The following CCSER1 variants were observed in gnomAD, a reference collection of about 807,000 sequenced individuals.
CCSER1 encodes serine-rich coiled-coil domain-containing protein 1.
In CCSER1, 41 loss-of-function variants were observed where a neutral mutation model predicts 82.0. The observed-to-expected ratio is 0.50, with a 90% CI of 0.39 to 0.65. The LOEUF is 0.65. Among genes scored for constraint, CCSER1 ranks in the 30% least tolerant of loss-of-function variants. The pLI, the probability that CCSER1 is intolerant of heterozygous loss-of-function variation, is 0.00. For missense variants in CCSER1, 1,119 were observed against 1,064.2 expected (o/e 1.05, Z -0.72); for synonymous variants, 414 against 383.9 (o/e 1.08, Z -0.92).
intron 10 of CCSER1, among the ~76,000 whole-genome samples, chr4:91,215,249 GATAA>G (rs1737149473): frequency 2.0e-5 from 3 of 152,226 alleles, no homozygotes; most frequent in South Asian, 2.1e-4. Flanking sequence ...AATGATAGCT[GATAA>G]ATAGTGTTTG....
chr4:91,194,794 T>C (rs540188989), intron 10 of CCSER1, among the ~76,000 whole-genome samples: 1 of 152,314 alleles, frequency 6.6e-6, no homozygotes, highest in African/African-American at 2.4e-5. Context: ...ATGATATTTG[T>C]CAGGATAAGG....
At chr4:90,991,131 C>T (rs1227451543) in intron 9 of CCSER1, among the ~76,000 whole-genome samples, 1 of 151,828 alleles carries the variant, frequency 6.6e-6, no homozygotes, top group Non-Finnish European at 1.5e-5. Context: ...TTTGTCTCTT[C>T]CAAGATGTTC....
At chr4:91,204,702 T>C (rs1030806057) in intron 10 of CCSER1, among the ~76,000 whole-genome samples, 2 of 151,818 alleles carry the variant, frequency 1.3e-5, no homozygotes, top group Non-Finnish European at 2.9e-5. Context: ...ATGCTGTTTG[T>C]AGAATTTACT....
intron 8 of CCSER1, among the ~76,000 whole-genome samples, chr4:90,905,622 C>G (rs900971872): frequency 2.0e-5 from 3 of 152,038 alleles, no homozygotes; most frequent in African/African-American, 4.8e-5. Flanking sequence ...TCGTTTTTTA[C>G]CTGGTAAAAC....
In CCSER1 at chr4:90,325,720, T is replaced by C. The variant is rs918676825; in HGVS notation, c.1509+12673T>C. ...ACTGGAATCTGAGGTTTGTACATTA[T>C]TCATTTTAGACAATGAAGACGATTT... On this transcript the variant is annotated intron_variant, in intron 3 of 10. Coordinates refer to ENST00000509176, the MANE Select transcript of CCSER1 (RefSeq NM_001145065.2). The C allele has an allele frequency of 6.0e-5, 24 of 400,326 alleles. No homozygotes were observed. The East Asian group carries it at 1.0e-3, about 17-fold the overall frequency. 24.8% of individuals were successfully genotyped at this position (400,326 alleles called of 1,614,324 possible).
At chr4:90,781,154 C>T in intron 7 of CCSER1, 1 of 473,030 alleles carries the variant, frequency 2.1e-6, no homozygotes, top group Non-Finnish European at 2.8e-6. Context: ...TCAAACACCT[C>T]CCACCAAGCC....
intron 6 of CCSER1, among the ~76,000 whole-genome samples, chr4:90,715,769 G>A (rs1052673747): frequency 2.3e-4 from 35 of 152,106 alleles, no homozygotes; most frequent in African/African-American, 7.9e-4. Flanking sequence ...TATACTGGTA[G>A]AATCTCTATG....
chr4:91,296,047 T>G (rs1744137185), intron 10 of CCSER1, among the ~76,000 whole-genome samples: 1 of 151,882 alleles, frequency 6.6e-6, no homozygotes, highest in Admixed American at 6.6e-5. Flanking sequence ...ATTGAAGTCA[T>G]TCCTCAAAAT....
chr4:90,484,077 T>C (rs1237352990), intron 5 of CCSER1, among the ~76,000 whole-genome samples: 1 of 152,196 alleles, frequency 6.6e-6, no homozygotes, highest in East Asian at 1.9e-4. Flanking sequence ...CGTTTCTTTT[T>C]ATTCTTTTTT....
At chr4:90,192,182 C>A (rs1189282008) in intron 1 of CCSER1, among the ~76,000 whole-genome samples, 1 of 151,980 alleles carries the variant, frequency 6.6e-6, no homozygotes, top group Non-Finnish European at 1.5e-5. Context: ...TCACATGTTA[C>A]GTGGATGGCA....
intron 1 of CCSER1, among the ~76,000 whole-genome samples, chr4:90,146,009 A>G (rs1725738212): frequency 1.3e-5 from 2 of 152,034 alleles, no homozygotes; most frequent in South Asian, 4.1e-4. Flanking sequence ...GCAGGAAGCT[A>G]ACTGTTATTA....
Position 90,836,356 on chromosome 4 carries a change from A to G in CCSER1, c.2094+20511A>G, listed in dbSNP as rs917358381. Among the ~76,000 whole-genome samples, 9 of 151,874 alleles carry G rather than the reference A, an allele frequency of 5.9e-5. No individual in the cohort carries two copies. The East Asian group carries it at 7.8e-4, about 13-fold the overall frequency. On this transcript the variant is annotated intron_variant, in intron 8 of 10. Coordinates refer to ENST00000509176, the MANE Select transcript of CCSER1 (RefSeq NM_001145065.2). ...TTTGTATTAGAAAAACAAAAAAAAA[A>G]CAAGCTTAGAATGGATGAGCAGATG...
intron 10 of CCSER1, among the ~76,000 whole-genome samples, chr4:91,543,975 T>C (rs1468972627): frequency 6.6e-6 from 1 of 152,216 alleles, no homozygotes; most frequent in Non-Finnish European, 1.5e-5. Flanking sequence ...CATAGTCCCA[T>C]ATTTCTTGGA....
chr4:90,128,183 G>A (rs911226679), intron 1 of CCSER1, among the ~76,000 whole-genome samples: 2 of 152,166 alleles, frequency 1.3e-5, no homozygotes, highest in African/African-American at 4.8e-5. Flanking sequence ...CGCAGGCTTC[G>A]GGTCGCTCCC....
intron 3 of CCSER1, among the ~76,000 whole-genome samples, chr4:90,390,703 T>C (rs575265178): frequency 6.6e-6 from 1 of 152,340 alleles, no homozygotes; most frequent in Admixed American, 6.5e-5. Context: ...CCTAGGATTA[T>C]TCCATGTCTT....
intron 10 of CCSER1, among the ~76,000 whole-genome samples, chr4:91,386,372 G>A (rs1158641172): frequency 1.3e-5 from 2 of 152,020 alleles, no homozygotes; most frequent in Non-Finnish European, 2.9e-5. Context: ...CAGAATTCAT[G>A]AGTCTATATT....
At chr4:90,150,589 C>T (rs1413840979) in intron 1 of CCSER1, among the ~76,000 whole-genome samples, 2 of 152,008 alleles carry the variant, frequency 1.3e-5, no homozygotes, top group African/African-American at 2.4e-5. Context: ...GTAATTGTAC[C>T]TCATTCATCT....
At chr4:90,924,911 G>T (rs1728863051) in intron 9 of CCSER1, among the ~76,000 whole-genome samples, 1 of 152,112 alleles carries the variant, frequency 6.6e-6, no homozygotes, top group African/African-American at 2.4e-5. Flanking sequence ...ATTTGTAGTA[G>T]AGACAGGGTT....
intron 9 of CCSER1, among the ~76,000 whole-genome samples, chr4:91,016,449 A>G (rs1382974241): frequency 6.6e-6 from 1 of 151,992 alleles, no homozygotes; most frequent in East Asian, 1.9e-4. Flanking sequence ...AATCATCAGT[A>G]TTATCATTGT....
Sources: gnomAD v4.1 joint callset for allele counts (sites outside exome capture counted in the v4.1 genomes callset) on GRCh38, gnomAD v4.1.1 for gene constraint, MANE v1.5 for transcripts, NCBI Gene and HGNC (gene_info 2026-07-23, HGNC 2026-07-21) for gene names.